Variants in KCNMB2 observed in about 807,000 individuals in gnomAD.
The protein encoded by KCNMB2 is calcium-activated potassium channel subunit beta-2.
Under a neutral mutation model 24.5 loss-of-function variants are expected in KCNMB2, and 9 were observed. That is an observed-to-expected ratio of 0.37 (90% CI 0.22 to 0.64). The LOEUF is 0.64. Among genes scored for constraint, KCNMB2 ranks in the 30% least tolerant of loss-of-function variants. The pLI, the probability that KCNMB2 is intolerant of heterozygous loss-of-function variation, is 0.63. For missense variants in KCNMB2, 226 were observed against 284.3 expected (o/e 0.79, Z 1.47); for synonymous variants, 109 against 104.4 (o/e 1.04, Z -0.27).
chr3:178,726,915 G>A (rs1242711467), intron 1 of KCNMB2, among the ~76,000 whole-genome samples: 3 of 151,856 alleles, frequency 2.0e-5, no homozygotes, highest in Non-Finnish European at 4.4e-5. Flanking sequence ...TACAGTTTCA[G>A]CTGTTCTTTC....
intron 1 of KCNMB2, among the ~76,000 whole-genome samples, chr3:178,765,305 C>G (rs1712068634): frequency 6.6e-6 from 1 of 152,342 alleles, no homozygotes; most frequent in African/African-American, 2.4e-5. Context: ...ATGCCTGTCA[C>G]TGGCCAACTA....
At chr3:178,700,171 GA>G (rs1298550495) in intron 1 of KCNMB2, among the ~76,000 whole-genome samples, 1 of 152,144 alleles carries the variant, frequency 6.6e-6, no homozygotes, top group Non-Finnish European at 1.5e-5. Context: ...ATTCTGTGCA[GA>G]TATAATTACA....
intron 1 of KCNMB2, among the ~76,000 whole-genome samples, chr3:178,798,632 C>G (rs1237849030): frequency 6.6e-6 from 1 of 151,964 alleles, no homozygotes; most frequent in East Asian, 1.9e-4. Context: ...GAACAGAAAA[C>G]CAAGCACTGC....
chr3:178,581,167 A>G (rs896413316), intron 1 of KCNMB2, among the ~76,000 whole-genome samples: 1 of 152,216 alleles, frequency 6.6e-6, no homozygotes, highest in African/African-American at 2.4e-5. Context: ...ACCAAAACAG[A>G]GAGATAGACC....
intron 1 of KCNMB2, among the ~76,000 whole-genome samples, chr3:178,634,221 C>G (rs1034648092): frequency 2.0e-4 from 31 of 152,296 alleles, no homozygotes; most frequent in African/African-American, 6.0e-4. Context: ...TTACCCAGTT[C>G]CAAAGTCACT....
intron 1 of KCNMB2, among the ~76,000 whole-genome samples, chr3:178,561,359 A>ATGC (rs1424975438): frequency 6.6e-6 from 1 of 152,144 alleles, no homozygotes; most frequent in African/African-American, 2.4e-5. Flanking sequence ...AAACAAAACA[A>ATGC]TGCTGAGAAA....
intron 4 of KCNMB2, among the ~76,000 whole-genome samples, chr3:178,837,269 T>C (rs905252322): frequency 6.6e-6 from 1 of 152,176 alleles, no homozygotes; most frequent in African/African-American, 2.4e-5. Flanking sequence ...AAAAACATGT[T>C]AATGAAAATT....
chr3:178,620,946 T>G (rs116622255), intron 1 of KCNMB2, among the ~76,000 whole-genome samples: 1 of 152,202 alleles, frequency 6.6e-6, no homozygotes, highest in African/African-American at 2.4e-5. Flanking sequence ...CAAAGCAGTT[T>G]GAAGCCAAAT....
At chr3:178,771,934 A>T (rs973163986) in intron 1 of KCNMB2, among the ~76,000 whole-genome samples, 4 of 151,848 alleles carry the variant, frequency 2.6e-5, no homozygotes, top group African/African-American at 9.7e-5. Flanking sequence ...TCCTTACCTC[A>T]TGACCAGATC....
At chr3:178,596,810 A>G (rs1485258800) in intron 1 of KCNMB2, among the ~76,000 whole-genome samples, 1 of 152,158 alleles carries the variant, frequency 6.6e-6, no homozygotes, top group Non-Finnish European at 1.5e-5. Context: ...CTAAAAGGCA[A>G]GAGATTCAAT....
In KCNMB2 at chr3:178,632,057, G is replaced by A. The variant is rs535761502; in HGVS notation, c.-68+95346G>A. 1.8e-3 allele frequency among the ~76,000 whole-genome samples: 279 copies of A among 152,274 alleles called. 2 individuals carry two copies. The highest frequency in any genetic ancestry group is 2.7e-3 in the African/African-American group (112 of 41,550). On this transcript the variant is annotated intron_variant, in intron 1 of 4. Transcript: ENST00000452583. ...TAATTGAAACTATAAATTATTCTGC[G>A]TCATCTGGGAGGCAAGACCATGTTA...
chr3:178,836,807 A>G (rs1250947467), intron 4 of KCNMB2, among the ~76,000 whole-genome samples: 1 of 152,118 alleles, frequency 6.6e-6, no homozygotes, highest in Non-Finnish European at 1.5e-5. Context: ...CTCCCACCAA[A>G]AAAGAGAGAT....
chr3:178,711,252 T>A (rs1722443850), intron 1 of KCNMB2, among the ~76,000 whole-genome samples: 1 of 152,246 alleles, frequency 6.6e-6, no homozygotes, highest in Admixed American at 6.5e-5. Context: ...TTTATTTTAA[T>A]TGTGTATATT....
intron 1 of KCNMB2, among the ~76,000 whole-genome samples, chr3:178,647,419 G>T (rs2108555248): frequency 1.3e-5 from 2 of 152,262 alleles, no homozygotes; most frequent in Admixed American, 1.3e-4. Context: ...CTAGAATTTA[G>T]CAATGTCTTG....
intron 2 of KCNMB2, among the ~76,000 whole-genome samples, chr3:178,808,366 C>A (rs577846337): frequency 2.6e-5 from 4 of 152,206 alleles, no homozygotes; most frequent in African/African-American, 9.6e-5. Flanking sequence ...GCAAGTTGCG[C>A]ATCAGGCAGA....
intron 1 of KCNMB2, among the ~76,000 whole-genome samples, chr3:178,781,962 C>A (rs1712872594): frequency 8.6e-6 from 1 of 116,290 alleles, no homozygotes; most frequent in Non-Finnish European, 1.7e-5. Flanking sequence ...CACCACAGTC[C>A]CCAGAGTGTG....
intron 1 of KCNMB2, among the ~76,000 whole-genome samples, chr3:178,754,199 T>C (rs1301998531): frequency 1.4e-5 from 2 of 143,252 alleles, no homozygotes; most frequent in Non-Finnish European, 1.5e-5. Flanking sequence ...CACATACATA[T>C]ATATATATAT....
intron 1 of KCNMB2, among the ~76,000 whole-genome samples, chr3:178,630,917 T>C (rs1719297256): frequency 1.3e-5 from 2 of 152,218 alleles, no homozygotes; most frequent in South Asian, 4.1e-4. Flanking sequence ...TCAGCTTTAG[T>C]GTTTTAGAAA....
chr3:178,573,242 C>T (rs915239991), intron 1 of KCNMB2, among the ~76,000 whole-genome samples: 2 of 152,038 alleles, frequency 1.3e-5, no homozygotes, highest in Non-Finnish European at 2.9e-5. Flanking sequence ...TTCCTGACCT[C>T]AGGTGATCCA....
Sources: allele counts gnomAD v4.1 joint callset (sites outside exome capture counted in the v4.1 genomes callset), GRCh38; gene constraint gnomAD v4.1.1; transcripts MANE v1.5; gene names NCBI Gene and HGNC (gene_info 2026-07-23, HGNC 2026-07-21).